Variants in NRG3 observed in about 807,000 individuals in gnomAD.
NRG3 encodes the protein pro-neuregulin-3, membrane-bound isoform.
Under a neutral mutation model 66.9 loss-of-function variants are expected in NRG3, and 31 were observed. The ratio of observed to expected loss-of-function variants is 0.46; its 90% CI spans 0.35 to 0.63. The LOEUF is 0.63. Ranked by LOEUF, NRG3 falls within the 20% of genes least tolerant of loss-of-function variation. The pLI is 0.00. For missense variants in NRG3, 910 were observed against 878.9 expected (o/e 1.04, Z -0.45); for synonymous variants, 393 against 359.4 (o/e 1.09, Z -1.06).
rs150142568 is a variant in NRG3 at position 82,668,766 on chromosome 10, C to T, written c.954-69811C>T. On this transcript the variant is annotated intron_variant, in intron 2 of 8. Coordinates refer to ENST00000372141, the MANE Select transcript of NRG3 (RefSeq NM_001010848.4). Reference sequence around the variant, plus strand: ...GTACCTTTCATGTGCCAGATTATCTCGAAGGCTCTGGTGACCTTAGGATGA... The same window carrying T: ...GTACCTTTCATGTGCCAGATTATCTTGAAGGCTCTGGTGACCTTAGGATGA... 1.6e-4 allele frequency among the ~76,000 whole-genome samples: 25 copies of T among 152,152 alleles called. No individual in the cohort carries two copies. In the East Asian group the frequency reaches 4.6e-3, roughly 28 times the overall value.
intron 1 of NRG3, among the ~76,000 whole-genome samples, chr10:82,053,281 C>T (rs753357432): frequency 6.6e-6 from 1 of 151,944 alleles, no homozygotes; most frequent in African/African-American, 2.4e-5. Context: ...ATATAAAGTC[C>T]AAATCAAGTG....
Position 82,033,402 on chromosome 10 carries a change from A to G in NRG3, c.823+157239A>G, listed in dbSNP as rs111487004. Among the ~76,000 whole-genome samples, 931 of 152,204 alleles carry G rather than the reference A, an allele frequency of 6.1e-3. 11 individuals are homozygous for G. The highest frequency in any genetic ancestry group is 0.021 in the African/African-American group (882 of 41,564). The stretch of plus-strand genomic sequence containing the variant: ...ATTTTGCTCAAGCATGTACCATAAG[A>G]AGCCTTCCCTGGTACCTTCTGTCTG... On this transcript the variant is annotated intron_variant, in intron 1 of 8. Transcript: ENST00000372141.
At chr10:81,915,657 G>C (rs1421472611) in intron 1 of NRG3, among the ~76,000 whole-genome samples, 1 of 152,122 alleles carries the variant, frequency 6.6e-6, no homozygotes, top group Non-Finnish European at 1.5e-5. Flanking sequence ...AATCAGGAGA[G>C]AATACTGAGT....
intron 2 of NRG3, among the ~76,000 whole-genome samples, chr10:82,396,999 G>T (rs2086756164): frequency 6.6e-6 from 1 of 152,048 alleles, no homozygotes; most frequent in South Asian, 2.1e-4. Flanking sequence ...TCTCATTCTT[G>T]TCTTTCTGTG....
intron 2 of NRG3, among the ~76,000 whole-genome samples, chr10:82,434,310 C>T (rs2089997577): frequency 6.6e-6 from 1 of 152,038 alleles, no homozygotes; most frequent in African/African-American, 2.4e-5. Flanking sequence ...TATCCTGAGA[C>T]TTTGCTGAAG....
In NRG3 at chr10:82,003,286, G is replaced by A. The variant is rs1197197218; in HGVS notation, c.823+127123G>A. 2.0e-5 allele frequency among the ~76,000 whole-genome samples: 3 copies of A among 152,324 alleles called. 1 individual carries two copies. The highest frequency in any genetic ancestry group is 7.2e-5 in the African/African-American group (3 of 41,584). On this transcript the variant is annotated intron_variant, in intron 1 of 8. Transcript: ENST00000372141. Reference sequence around the variant, plus strand: ...TCATTTAAGATACACAATTGGAGATGTCAAACAGGCAACTGAATATATTTA... The same window carrying A: ...TCATTTAAGATACACAATTGGAGATATCAAACAGGCAACTGAATATATTTA...
chr10:82,471,979 G>A (rs1370535243), intron 2 of NRG3, among the ~76,000 whole-genome samples: 6 of 151,890 alleles, frequency 4.0e-5, no homozygotes, highest in Non-Finnish European at 8.8e-5. Context: ...AGCATCTACT[G>A]TGAGGGACTG....
chr10:82,923,701 C>CT (rs149632978), intron 4 of NRG3, among the ~76,000 whole-genome samples: 2 of 151,282 alleles, frequency 1.3e-5, no homozygotes, highest in African/African-American at 2.4e-5. Context: ...ATTAGGAAAG[C>CT]TTTTTTTTTC....
chr10:82,705,820 T>G (rs1444575672), intron 2 of NRG3, among the ~76,000 whole-genome samples: 5 of 152,222 alleles, frequency 3.3e-5, no homozygotes, highest in Non-Finnish European at 7.3e-5. Flanking sequence ...GTCTGAAGCT[T>G]GCCTGCCACT....
intron 1 of NRG3, among the ~76,000 whole-genome samples, chr10:82,294,814 G>T (rs2079967013): frequency 6.6e-6 from 1 of 152,058 alleles, no homozygotes; most frequent in Admixed American, 6.6e-5. Flanking sequence ...TGTACTTGAG[G>T]AATGCAAATA....
At chr10:81,881,186 GTT>G (rs144046078) in intron 1 of NRG3, among the ~76,000 whole-genome samples, 1 of 137,112 alleles carries the variant, frequency 7.3e-6, no homozygotes, top group African/African-American at 2.7e-5. Context: ...TTTTTTTTGT[GTT>G]TTTTTTTTTT....
At chr10:82,686,587 C>T (rs1051321023) in intron 2 of NRG3, among the ~76,000 whole-genome samples, 6 of 152,158 alleles carry the variant, frequency 3.9e-5, no homozygotes, top group South Asian at 4.1e-4. Flanking sequence ...AACATCGTGA[C>T]GACCATGTCA....
chr10:82,293,287 C>G (rs1275832977), intron 1 of NRG3, among the ~76,000 whole-genome samples: 1 of 152,030 alleles, frequency 6.6e-6, no homozygotes, highest in East Asian at 1.9e-4. Flanking sequence ...GACCTCAGTA[C>G]ATACAATATT....
chr10:82,597,317 G>T (rs1394354187), intron 2 of NRG3, among the ~76,000 whole-genome samples: 4 of 152,240 alleles, frequency 2.6e-5, no homozygotes, highest in African/African-American at 7.2e-5. Flanking sequence ...CCATTTCCAA[G>T]GATGTATTAG....
chr10:81,903,994 ATATTTT>A (rs775031698), intron 1 of NRG3, among the ~76,000 whole-genome samples: 2,803 of 103,400 alleles, frequency 0.027, 102 homozygotes, highest in African/African-American at 0.097. Flanking sequence ...ATATATATAT[ATATTTT>A]TTTTTTTTGT....
chr10:82,610,692 G>A (rs1796782892), intron 2 of NRG3, among the ~76,000 whole-genome samples: 1 of 152,116 alleles, frequency 6.6e-6, no homozygotes, highest in Admixed American at 6.6e-5. Flanking sequence ...GTCATACAAA[G>A]TCACCCTTAC....
intron 1 of NRG3, among the ~76,000 whole-genome samples, chr10:82,169,066 T>G (rs1343742594): frequency 1.3e-5 from 2 of 152,102 alleles, no homozygotes; most frequent in Non-Finnish European, 2.9e-5. Flanking sequence ...AGTACTGTAT[T>G]CAGCTTACCA....
intron 4 of NRG3, among the ~76,000 whole-genome samples, chr10:82,897,811 C>T (rs945562602): frequency 1.5e-4 from 23 of 152,148 alleles, no homozygotes; most frequent in African/African-American, 3.1e-4. Context: ...TAAGCCACTG[C>T]GCCCTGCTAG....
chr10:82,498,479 C>A (rs1347326465), intron 2 of NRG3, among the ~76,000 whole-genome samples: 1 of 152,074 alleles, frequency 6.6e-6, no homozygotes, highest in Non-Finnish European at 1.5e-5. Flanking sequence ...TCATCAGAAA[C>A]CAAATGTGAC....
Sources: gnomAD v4.1 joint callset for allele counts (sites outside exome capture counted in the v4.1 genomes callset) on GRCh38, gnomAD v4.1.1 for gene constraint, MANE v1.5 for transcripts, NCBI Gene and HGNC (gene_info 2026-07-23, HGNC 2026-07-21) for gene names.